Variants in PC observed in about 807,000 individuals in gnomAD.
PC encodes pyruvate carboxylase, also known as pyruvate carboxylase, mitochondrial.
A neutral mutation model predicts 107.8 loss-of-function variants in PC; 46 were observed. The observed-to-expected ratio is 0.43, with a 90% CI of 0.34 to 0.55. PC has a LOEUF of 0.55. Among genes scored for constraint, PC ranks in the 20% least tolerant of loss-of-function variants. PC has a pLI of 0.04. For synonymous variants in PC, 662 were observed against 684.7 expected, an observed-to-expected ratio of 0.97 and a Z score of 0.52; for missense variants, 1,241 against 1,643.1, an observed-to-expected ratio of 0.76 and a Z score of 4.23.
rs1946687972 is a variant in PC at position 66,870,637 on chromosome 11, C to T, written c.751+138G>A. 2 of 1,130,486 alleles carry T rather than the reference C, an allele frequency of 1.8e-6. No individual in the cohort carries two copies. The highest frequency in any genetic ancestry group is 2.6e-6 in the Non-Finnish European group (2 of 756,812). The allele number at this position is 1,130,486 out of a possible 1,614,324, so 70.0% of individuals were successfully genotyped here. ...CAACTGCCAGCTCGGCCCCTAGAGC[C>T]CACTTTCCAGAGTCCTCTGGAAAAG... On this transcript the variant is annotated intron_variant, in intron 8 of 22. Coordinates refer to ENST00000393960, the MANE Select transcript of PC (RefSeq NM_001040716.2). This position sits in a 1 kb window ranked among gnomAD's most constrained non-coding sequence, Gnocchi z 6.1.
At chr11:66,855,144 G>A (rs182420447) in intron 12 of PC, among the ~76,000 whole-genome samples, 1 of 152,274 alleles carries the variant, frequency 6.6e-6, no homozygotes, top group Admixed American at 6.5e-5. Context: ...CTGCATCACC[G>A]AGTCATGTGG....
chr11:66,950,908 GC>G (rs1390277016), intron 3 of PC, among the ~76,000 whole-genome samples: 1 of 151,968 alleles, frequency 6.6e-6, no homozygotes, highest in African/African-American at 2.4e-5. Context: ...TCCAACTCTA[GC>G]AGCCAAGAAT....
chr11:66,951,423 G>A (rs1363810964), intron 3 of PC, among the ~76,000 whole-genome samples: 1 of 152,202 alleles, frequency 6.6e-6, no homozygotes, highest in Admixed American at 6.6e-5. Context: ...GAATCTCCCA[G>A]GCACCTGCCA....
intron 3 of PC, chr11:66,934,440 A>G (rs1296329798): frequency 6.5e-6 from 1 of 154,056 alleles, no homozygotes; most frequent in African/African-American, 2.4e-5. Flanking sequence ...TGGTTTCCTC[A>G]TCTATAAAAT....
At chr11:66,853,148 C>T in intron 13 of PC, 91 bp downstream of exon 13, 1 of 1,479,580 alleles carries the variant, frequency 6.8e-7, no homozygotes, top group South Asian at 1.2e-5. Context: ...CTAAGGAGTT[C>T]TTTGGTCATG....
At chr11:66,944,045 C>A (rs7103428) in intron 3 of PC, among the ~76,000 whole-genome samples, 10 of 111,684 alleles carry the variant, frequency 9.0e-5, no homozygotes, top group East Asian at 5.5e-4. Flanking sequence ...ACTTTGGGAG[C>A]CCGAGGCGGG....
At chr11:66,887,437 C>T (rs1376865426) in intron 3 of PC, among the ~76,000 whole-genome samples, 4 of 152,092 alleles carry the variant, frequency 2.6e-5, no homozygotes, top group African/African-American at 9.7e-5. Context: ...GCTATTGCAT[C>T]CATTAAGTAA....
intron 3 of PC, among the ~76,000 whole-genome samples, chr11:66,920,481 G>A (rs1948567520): frequency 2.0e-5 from 3 of 152,210 alleles, no homozygotes; most frequent in African/African-American, 4.8e-5. Flanking sequence ...AAATGGATAT[G>A]GACCTAACAC....
At chr11:66,867,739 C>T (rs1162663599) in intron 10 of PC, among the ~76,000 whole-genome samples, 5 of 152,222 alleles carry the variant, frequency 3.3e-5, no homozygotes, top group Admixed American at 2.0e-4. Flanking sequence ...CCTAACAGGA[C>T]GCTCTAAGCA....
rs200473405 is a variant in PC, at chr11:66,868,975, G to A, written c.904-11C>T. On this transcript the variant is annotated splice_polypyrimidine_tract_variant and intron_variant, in intron 9 of 22. Coordinates refer to ENST00000393960, the MANE Select transcript of PC (RefSeq NM_001040716.2). ...GTTCTCGTAGCCCACCTGTGGGGGC[G>A]GCCACGTGAGCAGGGGAGGGCACAG... The A allele has an allele frequency of 5.2e-5, 84 of 1,604,036 alleles. 1 individual carries two copies. The highest frequency in any genetic ancestry group is 5.1e-4 in the African/African-American group (38 of 74,848).
At chr11:66,902,043 A>G (rs1043167367) in intron 3 of PC, among the ~76,000 whole-genome samples, 9 of 152,206 alleles carry the variant, frequency 5.9e-5, no homozygotes, top group African/African-American at 2.2e-4. Flanking sequence ...ACTGATTACC[A>G]AAGTACCCAG....
intron 3 of PC, among the ~76,000 whole-genome samples, chr11:66,901,715 C>T (rs1470021316): frequency 1.3e-5 from 2 of 152,076 alleles, no homozygotes; most frequent in Non-Finnish European, 2.9e-5. Context: ...TCAGGTGATC[C>T]GCCCGCCTCA....
At chr11:66,873,499 TATA>T (rs1258204766) in intron 3 of PC, among the ~76,000 whole-genome samples, 11 of 14,404 alleles carry the variant, frequency 7.6e-4, no homozygotes, top group African/African-American at 1.1e-3. Context: ...ATATATATTA[TATA>T]ATATTATATA....
intron 16 of PC, 44 bp from the exon 17 acceptor site, chr11:66,851,324 C>T: frequency 1.3e-6 from 2 of 1,598,908 alleles, no homozygotes; most frequent in South Asian, 1.1e-5. Flanking sequence ...ACCCCACCTC[C>T]CTCTGAACAG....
intron 3 of PC, among the ~76,000 whole-genome samples, chr11:66,932,123 G>T (rs1948872755): frequency 2.6e-5 from 4 of 152,190 alleles, no homozygotes; most frequent in African/African-American, 7.2e-5. Flanking sequence ...AACCGGAAGT[G>T]GCCTCCTGGG....
chr11:66,859,674 C>T, intron 12 of PC: 2 of 1,613,046 alleles, frequency 1.2e-6, no homozygotes, highest in Non-Finnish European at 1.7e-6. Flanking sequence ...CCTGCTGAAG[C>T]ACCTCGTCCC....
chr11:66,946,266 G>A (rs1027721621), intron 3 of PC, among the ~76,000 whole-genome samples: 3 of 152,124 alleles, frequency 2.0e-5, no homozygotes, highest in Non-Finnish European at 4.4e-5. Context: ...GGAGGCTGAG[G>A]CAGGTGGATC....
At chr11:66,885,176 T>C (rs1414310205) in intron 3 of PC, among the ~76,000 whole-genome samples, 1 of 152,086 alleles carries the variant, frequency 6.6e-6, no homozygotes, top group Non-Finnish European at 1.5e-5. Flanking sequence ...TCCTAACCCC[T>C]AGCACCTAGG....
chr11:66,904,206 ACCC>A (rs1448326592), intron 3 of PC, among the ~76,000 whole-genome samples: 1 of 149,662 alleles, frequency 6.7e-6, no homozygotes, highest in Admixed American at 6.7e-5. Context: ...CTCCTGCCCC[ACCC>A]CTCCTGCACC....
Sources: gnomAD v4.1 joint callset for allele counts (sites outside exome capture counted in the v4.1 genomes callset) on GRCh38, gnomAD v4.1.1 for gene constraint, Gnocchi (gnomAD v3.1) non-coding constraint, MANE v1.5 for transcripts, NCBI Gene and HGNC (gene_info 2026-07-23, HGNC 2026-07-21) for gene names.